LYPD8: variants seen among roughly 807,000 people sequenced by gnomAD.
The protein encoded by LYPD8 is LY6/PLAUR domain containing 8, also known as ly6/PLAUR domain-containing protein 8.
LYPD8 carries 8 observed loss-of-function variants against 1.7 expected under a neutral mutation model. The observed-to-expected ratio is 4.58, with a 90% CI of 2.69 to 8.27. LYPD8 has a LOEUF of 8.27. Ranked by LOEUF, LYPD8 falls within the 30% of genes most tolerant of loss-of-function variation. The pLI is 0.00. For synonymous variants in LYPD8, 50 were observed against 43.6 expected, an observed-to-expected ratio of 1.15 and a Z score of -0.58; for missense variants, 112 against 102.3, an observed-to-expected ratio of 1.09 and a Z score of -0.41.
chr1:248,743,810 G>A (rs1662669774), intron 6 of LYPD8, among the ~76,000 whole-genome samples: 1 of 152,140 alleles, frequency 6.6e-6, no homozygotes, highest in Non-Finnish European at 1.5e-5. Flanking sequence ...CCTACTGCTG[G>A]CAAGATGCAA....
chr1:248,744,828 G>A (rs1185141341), intron 6 of LYPD8, among the ~76,000 whole-genome samples: 3 of 152,346 alleles, frequency 2.0e-5, no homozygotes, highest in Non-Finnish European at 2.9e-5. Context: ...CCTATAGAAT[G>A]ATGCGACCTG....
At chr1:248,753,146 ACAAACACCCC>A (rs2103173717) in intron 2 of LYPD8, among the ~76,000 whole-genome samples, 2 of 104,656 alleles carry the variant, frequency 1.9e-5, no homozygotes, top group African/African-American at 3.7e-5. Context: ...CACCCCACAC[ACAAACACCCC>A]ACACACCACA....
chr1:248,741,379 G>T (rs1404202816), intron 6 of LYPD8, among the ~76,000 whole-genome samples: 1 of 152,136 alleles, frequency 6.6e-6, no homozygotes, highest in African/African-American at 2.4e-5. Context: ...GCTAATTTTT[G>T]TATTTCTAGT....
At chr1:248,752,615 ATCACACAC>A in intron 2 of LYPD8, among the ~76,000 whole-genome samples, 1 of 100,704 alleles carries the variant, frequency 9.9e-6, no homozygotes, top group South Asian at 3.5e-4. Context: ...CCCCACACAC[ATCACACAC>A]ACACACCACA....
intron 2 of LYPD8, among the ~76,000 whole-genome samples, chr1:248,752,284 T>C (rs1469583992): frequency 6.6e-6 from 1 of 151,886 alleles, no homozygotes; most frequent in African/African-American, 2.4e-5. Flanking sequence ...GCAGAGGCTA[T>C]TAGCCCCACT....
At chr1:248,751,241 G>T in intron 2 of LYPD8, 111 bp from the exon 3 acceptor site, 1 of 394,708 alleles carries the variant, frequency 2.5e-6, no homozygotes, top group Admixed American at 4.4e-5. Flanking sequence ...CCTTGTGACA[G>T]AAAGAATCAA....
At chr1:248,743,030 G>T (rs1662644127) in intron 6 of LYPD8, among the ~76,000 whole-genome samples, 1 of 147,864 alleles carries the variant, frequency 6.8e-6, no homozygotes, top group Admixed American at 6.7e-5. Context: ...AGCCGGGGGA[G>T]GTTATGCTCT....
At chr1:248,751,334 A>G (rs1662798702) in intron 2 of LYPD8, among the ~76,000 whole-genome samples, 1 of 152,110 alleles carries the variant, frequency 6.6e-6, no homozygotes, top group Non-Finnish European at 1.5e-5. Context: ...CTGCAGGAGC[A>G]TCTACACGCA....
intron 2 of LYPD8, among the ~76,000 whole-genome samples, chr1:248,753,012 TACACACACC>T (rs1662843924): frequency 3.9e-5 from 1 of 25,488 alleles, no homozygotes; most frequent in African/African-American, 1.8e-4. Context: ...CACCACATCA[TACACACACC>T]ACACACCCCA....
chr1:248,752,851 ACCACAC>A (rs1662835638), intron 2 of LYPD8, among the ~76,000 whole-genome samples: 1 of 68,524 alleles, frequency 1.5e-5, no homozygotes, highest in Non-Finnish European at 2.7e-5. Flanking sequence ...ACACACACAC[ACCACAC>A]CACACACACA....
At chr1:248,745,651 A>G (rs1662717181) in intron 5 of LYPD8, among the ~76,000 whole-genome samples, 1 of 152,260 alleles carries the variant, frequency 6.6e-6, no homozygotes, top group Non-Finnish European at 1.5e-5. Flanking sequence ...AAATGAACAC[A>G]GGCCACTATT....
At chr1:248,743,066 G>T (rs1191613976) in intron 6 of LYPD8, among the ~76,000 whole-genome samples, 7 of 151,526 alleles carry the variant, frequency 4.6e-5, no homozygotes, top group Non-Finnish European at 1.0e-4. Flanking sequence ...AGCGGGGGAG[G>T]TTATGCGTGT....
Position 248,750,513 on chromosome 1 carries a change from C to A in LYPD8, c.172+11G>T, listed in dbSNP as rs1051412891. 16 of 398,542 alleles carry A rather than the reference C, an allele frequency of 4.0e-5. No individual in the cohort carries two copies. The highest frequency in any genetic ancestry group is 3.1e-4 in the Admixed American group (7 of 22,712). 24.7% of individuals were successfully genotyped at this position (398,542 alleles called of 1,614,324 possible). On this transcript the variant is annotated intron_variant, in intron 4 of 6. Transcript: ENST00000590317. ...CCCAGAGGCAGGAAGGACACACACA[C>A]CCAGGCTCACCTAGAGAGGAGCTGG...
Position 248,755,199 on chromosome 1 carries a change from G to A in LYPD8, c.-50+40C>T, listed in dbSNP as rs1051800757. 5.3e-4 allele frequency: 81 copies of A among 152,394 alleles called. 1 individual carries two copies. Among genetic ancestry groups the A allele is most frequent in the African/African-American group, 1.9e-3 (79 of 41,590 alleles). The allele number at this position is 152,394 out of a possible 1,614,324, so 9.4% of individuals were successfully genotyped here. A position where few individuals can be genotyped will look rare whatever the true frequency, so the allele number is the denominator to read the frequency against. On this transcript the variant is annotated intron_variant, in intron 2 of 6. Coordinates refer to ENST00000590317, the MANE Select transcript of LYPD8 (RefSeq NM_001085474.2). ...CCGTGCTCAACACCTCTGTGGGTAA[G>A]AGGGACCAGTGAAGCTGGGGCTCAA...
chr1:248,743,871 A>C (rs1295726313), intron 6 of LYPD8, among the ~76,000 whole-genome samples: 2 of 152,258 alleles, frequency 1.3e-5, no homozygotes, highest in Non-Finnish European at 2.9e-5. Flanking sequence ...CCAGAGCTAC[A>C]AGACAGAAGG....
At chr1:248,754,121 T>TACACC (rs1420532447) in intron 2 of LYPD8, among the ~76,000 whole-genome samples, 18 of 109,866 alleles carry the variant, frequency 1.6e-4, no homozygotes, top group Admixed American at 7.6e-4. Flanking sequence ...ACACCACACA[T>TACACC]ACACCACACC....
At chr1:248,746,369 G>A (rs1662725986) in intron 5 of LYPD8, among the ~76,000 whole-genome samples, 1 of 152,180 alleles carries the variant, frequency 6.6e-6, no homozygotes, top group Admixed American at 6.5e-5. Flanking sequence ...AAGAAAGAGG[G>A]GAGGCATGGC....
In LYPD8 at chr1:248,751,145, A is replaced by G. The variant is rs1662795171; in HGVS notation, c.-49-15T>C. 2.5e-6 allele frequency: 1 copy of G among 398,446 alleles called. No homozygotes were observed. The allele number at this position is 398,446 out of a possible 1,614,324, so 24.7% of individuals were successfully genotyped here. ...GGGCCTCAAGCCTGAAAAGACACAAAGAAGGCAGCCCCGGGGCCTTGGAGG... is the reference window on the plus strand; with the variant it reads ...GGGCCTCAAGCCTGAAAAGACACAAGGAAGGCAGCCCCGGGGCCTTGGAGG... On this transcript the variant is annotated splice_polypyrimidine_tract_variant and intron_variant, in intron 2 of 6. Coordinates refer to ENST00000590317, the MANE Select transcript of LYPD8 (RefSeq NM_001085474.2).
intron 6 of LYPD8, among the ~76,000 whole-genome samples, chr1:248,740,275 C>A (rs1043119244): frequency 6.6e-6 from 1 of 152,214 alleles, no homozygotes; most frequent in Non-Finnish European, 1.5e-5. Flanking sequence ...TGTCCCCTTC[C>A]AGGCTTTGCT....
Sources: gnomAD v4.1 joint callset for allele counts (sites outside exome capture counted in the v4.1 genomes callset) on GRCh38, gnomAD v4.1.1 for gene constraint, MANE v1.5 for transcripts, NCBI Gene and HGNC (gene_info 2026-07-23, HGNC 2026-07-21) for gene names.